SSH3: variants seen among roughly 807,000 people sequenced by gnomAD.
SSH3 encodes slingshot protein phosphatase 3, also known as protein phosphatase Slingshot homolog 3.
In SSH3, 67 loss-of-function variants were observed where a neutral mutation model predicts 75.0. That is an observed-to-expected ratio of 0.89 (90% CI 0.73 to 1.10). The LOEUF (loss-of-function observed/expected upper bound fraction) is 1.10, where lower values mean the gene tolerates loss of function less well. Ranked by LOEUF, SSH3 falls within the 50% of genes least tolerant of loss-of-function variation. SSH3 has a pLI of 0.00. For synonymous variants in SSH3, 318 were observed against 349.2 expected (o/e 0.91, Z 1.00); for missense variants, 824 against 872.7 (o/e 0.94, Z 0.70).
chr11:67,306,789 G>A, intron 3 of SSH3, 49 bp from the exon 4 acceptor site: 1 of 1,559,154 alleles, frequency 6.4e-7, no homozygotes, highest in Non-Finnish European at 8.7e-7. Context: ...TAGGTGGGGA[G>A]CAGGGTCCTT....
Position 67,308,407 on chromosome 11 carries a change from C to T in SSH3, c.1015-5C>T. The T allele has an allele frequency of 1.2e-6, 2 of 1,612,938 alleles. No homozygotes were observed. Among genetic ancestry groups the T allele is most frequent in the Non-Finnish European group, 8.5e-7 (1 of 1,179,492 alleles). On this transcript the variant is annotated splice_polypyrimidine_tract_variant and splice_region_variant and intron_variant, in intron 9 of 13. Coordinates refer to ENST00000308127, the MANE Select transcript of SSH3 (RefSeq NM_017857.4). This position sits in a 1 kb window ranked among gnomAD's most constrained non-coding sequence, Gnocchi z 4.9. ...AGGAGAAATGTGCTGTTCCCTCTCT[C>T]CCAGGGCTCAGAGTGGAACGCAGCA...
chr11:67,305,610 G>A (rs963312248), intron 3 of SSH3, among the ~76,000 whole-genome samples: 1 of 152,196 alleles, frequency 6.6e-6, no homozygotes, highest in East Asian at 1.9e-4. Context: ...GGGAATTCCA[G>A]AGGCATGTTT....
rs1217564649 is a variant in SSH3 at position 67,306,873 on chromosome 11, C to G, written c.375C>G (p.Leu125=). Residue 125 remains leucine (L), a synonymous_variant, in exon 4 of 14, where the codon CTC becomes CTG. Coordinates refer to ENST00000308127, the MANE Select transcript of SSH3 (RefSeq NM_017857.4). ...AQLEAPRPPR[L]RYLLVVSTRE... ...TGGAGGCACCCCGGCCTCCCCGGCT[C>G]CGCTACCTGCTGGTAGTTTCTACAC... 1 of 1,613,358 alleles carries G rather than the reference C, an allele frequency of 6.2e-7. No individual in the cohort carries two copies.
At position 67,305,008 on chromosome 11, in the gene SSH3, G is replaced by T. The variant is rs770114690; in HGVS notation, c.339+1G>T. The T allele has an allele frequency of 3.7e-6, 6 of 1,607,362 alleles. No individual in the cohort carries two copies. Among genetic ancestry groups the T allele is most frequent in the East Asian group, 2.2e-5 (1 of 44,618 alleles). ...GAGGCCGCAGGATGACATCCGCCTG[G>T]TGAGGGCCCATGTGGAGCTCCGGGG... is the stretch of plus-strand genomic sequence containing the variant. On this transcript the variant is annotated splice_donor_variant, in intron 3 of 13. Coordinates refer to ENST00000308127, the MANE Select transcript of SSH3 (RefSeq NM_017857.4). LOFTEE classifies it high-confidence loss of function.
Position 67,307,377 on chromosome 11 carries a change from C to T in SSH3, c.543C>T (p.Phe181=), listed in dbSNP as rs563847731. Residue 181 remains phenylalanine, a synonymous_variant, in exon 6 of 14, where the codon TTC becomes TTT. Coordinates refer to ENST00000308127, the MANE Select transcript of SSH3 (RefSeq NM_017857.4). This position sits in a 1 kb window ranked among gnomAD's most constrained non-coding sequence, Gnocchi z 4.2. ...TQVYLDGDGG[F]SVTSGGQSRI... is the part of the protein sequence containing the mutation. Reference sequence around the variant, plus strand: ...TGTGCCTGGTCTCCTGCAGGGGCTTCAGCGTGACGTCTGGTGGGCAAAGCC... The same window carrying T: ...TGTGCCTGGTCTCCTGCAGGGGCTTTAGCGTGACGTCTGGTGGGCAAAGCC... 10 of 1,613,924 alleles carry T rather than the reference C, an allele frequency of 6.2e-6. No individual in the cohort carries two copies. The highest frequency in any genetic ancestry group is 1.7e-4 in the Middle Eastern group (1 of 6,000).
In SSH3 at chr11:67,311,612, T is replaced by C. The variant is rs376767821; in HGVS notation, c.1705T>C (p.Ser569Pro). 6.2e-7 allele frequency: 1 copy of C among 1,613,884 alleles called. No homozygotes were observed. The change falls in exon 14 of 14, where the codon TCA becomes CCA. Residue 569 changes from serine (S) to proline (P), a missense_variant. Coordinates refer to ENST00000308127, the MANE Select transcript of SSH3 (RefSeq NM_017857.4). ...CCAGGTCTTCTCTTCCCACGAGTCT[T>C]CACATGAAGAGCCTCTGCAGCCCTT... Reference protein sequence around the residue: ...MPEVFSSHESSHEEPLQPFPQ... With the variant: ...MPEVFSSHESPHEEPLQPFPQ...
rs143770446 is a variant in SSH3, at chr11:67,308,195, C to T, written c.907C>T (p.Arg303Cys). 1.1e-5 allele frequency: 18 copies of T among 1,613,710 alleles called. No individual in the cohort carries two copies. The Admixed American group carries it at 1.3e-4, about 12-fold the overall frequency. The change falls in exon 9 of 14, where the codon CGC becomes TGC. Residue 303 changes from arginine to cysteine, a missense_variant. Transcript: ENST00000308127. This position sits in a 1 kb window ranked among gnomAD's most constrained non-coding sequence, Gnocchi z 4.9. ...GCAGATCCGCCAGGCTCTGGAGCTG[C>T]GCCTGGGGCTCCCCCTCCAGCAGTA... The part of the protein sequence containing the change: ...SKEIRQALEL[R>C]LGLPLQQYRD...
In SSH3 at chr11:67,307,546, C is replaced by T. The variant is rs373548172; in HGVS notation, c.603-3C>T. On this transcript the variant is annotated splice_region_variant and splice_polypyrimidine_tract_variant and intron_variant, in intron 6 of 13. Transcript: ENST00000308127. The surrounding 1 kb of genome is among the most constrained non-coding windows in gnomAD (Gnocchi z 4.2). Reference sequence around the variant, plus strand: ...TGTGACCCAGCCTCTCCTCCTGTCTCAGGGCCACACTCCAGGTATTGCACC... The same window carrying T: ...TGTGACCCAGCCTCTCCTCCTGTCTTAGGGCCACACTCCAGGTATTGCACC... The T allele has an allele frequency of 3.1e-6, 5 of 1,609,010 alleles. No individual in the cohort carries two copies. In the African/African-American group the frequency reaches 6.7e-5, roughly 21 times the overall value.
chr11:67,303,951 C>A, intron 1 of SSH3, 167 bp from the exon 2 acceptor site: 2 of 977,306 alleles, frequency 2.0e-6, no homozygotes, highest in Non-Finnish European at 2.9e-6. Context: ...GCCGACCTGG[C>A]CTTGGGCCGG....
rs1289507516 is a variant in SSH3, at chr11:67,304,882, G to A, written c.214G>A (p.Glu72Lys). 3 of 1,613,878 alleles carry A rather than the reference G, an allele frequency of 1.9e-6. No individual in the cohort carries two copies. The highest frequency in any genetic ancestry group is 2.2e-5 in the East Asian group (1 of 44,866). ...GCCAACAGAGAAGGCCCCGAGTGAG[G>A]AGGAGCTCCACGGGGACCAGACAGA... Reference protein sequence around the residue: ...SEPTEKAPSEEELHGDQTDFG... With the variant: ...SEPTEKAPSEKELHGDQTDFG... Residue 72 changes from glutamate to lysine, a missense_variant, in exon 3 of 14, where the codon GAG (glutamate) becomes AAG (lysine). Coordinates refer to ENST00000308127, the MANE Select transcript of SSH3 (RefSeq NM_017857.4).
Position 67,310,305 on chromosome 11 carries a change from T to G in SSH3, c.1649T>G (p.Leu550Arg). The G allele has an allele frequency of 1.2e-6, 2 of 1,613,544 alleles. No homozygotes were observed. Among genetic ancestry groups the G allele is most frequent in the Non-Finnish European group, 1.7e-6 (2 of 1,179,670 alleles). ...SISLLEPSLE[L>R]ESTSETSDMP... is the part of the protein sequence containing the mutation. The stretch of plus-strand genomic sequence containing the variant: ...AGTCTTCTGGAGCCCTCCTTGGAGC[T>G]GGAGAGCACCTCAGAGACCAGTGAC... Residue 550 changes from leucine to arginine, a missense_variant, in exon 13 of 14, where the codon CTG becomes CGG. Coordinates refer to ENST00000308127, the MANE Select transcript of SSH3 (RefSeq NM_017857.4).
chr11:67,308,301 T>C lies in SSH3; in HGVS notation c.1013T>C (p.Leu338Pro). ...TCCCGCATCTTCCCCCACCTCTACC[T>C]GGTGAGCTTCAGCCAGGCCTGGGCC... ...RASRIFPHLYLGSEWNAANLE... is the reference protein window; with the variant it reads ...RASRIFPHLYPGSEWNAANLE... Residue 338 changes from leucine to proline, a missense_variant and splice_region_variant, in exon 9 of 14, where the codon CTG becomes CCG. By Grantham distance (98) the Leu-to-Pro change is moderately conservative (BLOSUM62 -3). Coordinates refer to ENST00000308127, the MANE Select transcript of SSH3 (RefSeq NM_017857.4). The surrounding 1 kb of genome is among the most constrained non-coding windows in gnomAD (Gnocchi z 4.9). 3 of 1,614,122 alleles carry C rather than the reference T, an allele frequency of 1.9e-6. No homozygotes were observed. Among genetic ancestry groups the C allele is most frequent in the Non-Finnish European group, 2.5e-6 (3 of 1,180,014 alleles).
At position 67,304,915 on chromosome 11, in the gene SSH3, C is replaced by A. The variant is rs139505782; in HGVS notation, c.247C>A (p.Gln83Lys). Reference protein sequence around the residue: ...ELHGDQTDFGQGSQSPQKQEE... With the variant: ...ELHGDQTDFGKGSQSPQKQEE... ...CCACGGGGACCAGACAGACTTCGGG[C>A]AAGGATCCCAGAGTCCCCAGAAGCA... Residue 83 changes from glutamine (Q) to lysine (K), a missense_variant, in exon 3 of 14, where the codon CAA becomes AAA. Physicochemically the swap from Gln to Lys is moderately conservative, Grantham distance 53. Coordinates refer to ENST00000308127, the MANE Select transcript of SSH3 (RefSeq NM_017857.4). 2.5e-6 allele frequency: 4 copies of A among 1,613,630 alleles called. No homozygotes were observed. In the African/African-American group the frequency reaches 5.3e-5, roughly 22 times the overall value.
Position 67,312,007 on chromosome 11 carries a change from A to AGCCTCACCTCCCACCCCTGTCACTACG in SSH3, c.*147_*173dup, listed in dbSNP as rs767603775. The stretch of plus-strand genomic sequence containing the variant: ...AGCTCCGCCCCATACCCGTCACTAC[A>AGCCTCACCTCCCACCCCTGTCACTACG]GCCTCACCTCCCACCCCTGTCACTA... On this transcript the variant is annotated 3_prime_UTR_variant, in exon 14 of 14. Coordinates refer to ENST00000308127, the MANE Select transcript of SSH3 (RefSeq NM_017857.4). 2.2e-5 allele frequency: 29 copies of AGCCTCACCTCCCACCCCTGTCACTACG among 1,342,854 alleles called. No individual in the cohort carries two copies. The highest frequency in any genetic ancestry group is 2.0e-4 in the African/African-American group (13 of 66,132). 83.2% of individuals were successfully genotyped at this position (1,342,854 alleles called of 1,614,324 possible). A position where few individuals can be genotyped will look rare whatever the true frequency, so the allele number is the denominator to read the frequency against.
At position 67,303,783 on chromosome 11, in the gene SSH3, G is replaced by C; in HGVS notation, c.66+92G>C. The C allele has an allele frequency of 3.0e-6, 4 of 1,322,278 alleles. No homozygotes were observed. In the South Asian group the frequency reaches 6.5e-5, roughly 22 times the overall value. The allele number at this position is 1,322,278 out of a possible 1,614,324, so 81.9% of individuals were successfully genotyped here. A position where few individuals can be genotyped will look rare whatever the true frequency, so the allele number is the denominator to read the frequency against. ...CGCCAGCGGGCTCCTCTCGAACGGG[G>C]ACATGAGGAGGGGGCCCCGGGGCTC... is the stretch of plus-strand genomic sequence containing the variant. On this transcript the variant is annotated intron_variant, in intron 1 of 13. Transcript: ENST00000308127.
Position 67,304,114 on chromosome 11 carries a change from G to A in SSH3, c.67-4G>A, listed in dbSNP as rs1207245341. On this transcript the variant is annotated splice_polypyrimidine_tract_variant and splice_region_variant and intron_variant, in intron 1 of 13. Transcript: ENST00000308127. ...ACCCTGCCCTGGGGCTGCTCTCTCC[G>A]CAGGACCAGGCGGTCCAGCGAAGGA... 6 of 1,592,288 alleles carry A rather than the reference G, an allele frequency of 3.8e-6. No individual in the cohort carries two copies. The highest frequency in any genetic ancestry group is 5.1e-6 in the Non-Finnish European group (6 of 1,174,066).
intron 10 of SSH3, 99 bp from the exon 11 acceptor site, chr11:67,309,298 A>G (rs1002835623): frequency 3.3e-5 from 49 of 1,484,014 alleles, no homozygotes; most frequent in Admixed American, 1.1e-4. Context: ...CTGACTTGAA[A>G]CTCAGAGCTA....
Position 67,310,197 on chromosome 11 carries a change from G to A in SSH3, c.1541G>A (p.Gly514Asp). The change falls in exon 13 of 14, where the codon GGC becomes GAC. Residue 514 changes from glycine to aspartate, a missense_variant. Coordinates refer to ENST00000308127, the MANE Select transcript of SSH3 (RefSeq NM_017857.4). The stretch of plus-strand genomic sequence containing the variant: ...GGTGGTGGGGAGGAGAAGGTTGTAG[G>A]CATGGAAGAGAGCCAGGCAGCCCCG... ...PEGGGEEKVV[G>D]MEESQAAPKE... 1.2e-6 allele frequency: 2 copies of A among 1,614,194 alleles called. No homozygotes were observed. Among genetic ancestry groups the A allele is most frequent in the Non-Finnish European group, 1.7e-6 (2 of 1,180,032 alleles).
At chr11:67,303,770 CCT>C in intron 1 of SSH3, 79 bp downstream of exon 1, 1 of 1,366,630 alleles carries the variant, frequency 7.3e-7, no homozygotes. Flanking sequence ...CCAGCGGGCT[CCT>C]CTCGAACGGG....
Sources: gnomAD v4.1 joint callset for allele counts (sites outside exome capture counted in the v4.1 genomes callset) on GRCh38, gnomAD v4.1.1 for gene constraint, Gnocchi (gnomAD v3.1) non-coding constraint, MANE v1.5 for transcripts, NCBI Gene and HGNC (gene_info 2026-07-23, HGNC 2026-07-21) for gene names.